The following TBC1D5 variants were observed in gnomAD, a reference collection of about 807,000 sequenced individuals.
The protein encoded by TBC1D5 is TBC1 domain family, member 5.
Under a neutral mutation model 100.3 loss-of-function variants are expected in TBC1D5, and 75 were observed. The observed-to-expected ratio is 0.75, with a 90% CI of 0.62 to 0.91. The LOEUF (loss-of-function observed/expected upper bound fraction) is 0.91. TBC1D5 is among the 40% of genes least tolerant of loss of function. TBC1D5 has a pLI of 0.00. For synonymous variants in TBC1D5, 323 were observed against 325.6 expected (o/e 0.99, Z 0.09); for missense variants, 910 against 942.4 (o/e 0.97, Z 0.45).
In TBC1D5 at chr3:17,211,873, T is replaced by C. The variant is rs77812375; in HGVS notation, c.1752+2334A>G. Among the ~76,000 whole-genome samples the C allele has an allele frequency of 8.9e-3, 1,356 of 152,310 alleles. 16 individuals carry two copies. Among genetic ancestry groups the C allele is most frequent in the African/African-American group, 0.031 (1,278 of 41,550 alleles). ...ACTAAAGTTCCTCTCTGCTCTTTTATATACTACAGAATCACAGTTCCTACA... is the reference window on the plus strand; with the variant it reads ...ACTAAAGTTCCTCTCTGCTCTTTTACATACTACAGAATCACAGTTCCTACA... On this transcript the variant is annotated intron_variant, in intron 18 of 21. Transcript: ENST00000253692.
chr3:17,619,088 T>C (rs1454450220), intron 2 of TBC1D5, among the ~76,000 whole-genome samples: 1 of 152,110 alleles, frequency 6.6e-6, no homozygotes, highest in Non-Finnish European at 1.5e-5. Flanking sequence ...AAGTAAAATA[T>C]TTAGGAATAA....
At chr3:17,639,539 C>G (rs768347078) in intron 1 of TBC1D5, among the ~76,000 whole-genome samples, 1 of 151,660 alleles carries the variant, frequency 6.6e-6, no homozygotes, top group Non-Finnish European at 1.5e-5. Flanking sequence ...CAAACTATTC[C>G]CCATCCCTCA....
At chr3:17,467,708 C>G (rs1394046370) in intron 3 of TBC1D5, among the ~76,000 whole-genome samples, 1 of 151,792 alleles carries the variant, frequency 6.6e-6, no homozygotes, top group East Asian at 1.9e-4. Context: ...AACCCCATCT[C>G]TACTAAAAAT....
At chr3:17,493,005 T>C (rs2095657927) in intron 3 of TBC1D5, among the ~76,000 whole-genome samples, 1 of 152,224 alleles carries the variant, frequency 6.6e-6, no homozygotes, top group Non-Finnish European at 1.5e-5. Context: ...TTTTGCAGAC[T>C]TGATGTAGTT....
At chr3:17,315,695 T>C (rs1441275646) in intron 13 of TBC1D5, among the ~76,000 whole-genome samples, 2 of 152,130 alleles carry the variant, frequency 1.3e-5, no homozygotes, top group African/African-American at 4.8e-5. Flanking sequence ...CAAATCTCAA[T>C]GCAAAGTGGA....
intron 2 of TBC1D5, among the ~76,000 whole-genome samples, chr3:17,534,442 A>G (rs1488417303): frequency 6.6e-6 from 1 of 152,188 alleles, no homozygotes; most frequent in Non-Finnish European, 1.5e-5. Context: ...TCTGAATCAG[A>G]TTCAAATTAA....
intron 9 of TBC1D5, among the ~76,000 whole-genome samples, chr3:17,383,542 A>AT: frequency 6.6e-6 from 1 of 152,032 alleles, no homozygotes; most frequent in Non-Finnish European, 1.5e-5. Flanking sequence ...ATACTTGATT[A>AT]TTTTTTACAT....
intron 3 of TBC1D5, among the ~76,000 whole-genome samples, chr3:17,473,152 T>C (rs1453897618): frequency 1.3e-5 from 2 of 152,198 alleles, no homozygotes; most frequent in African/African-American, 4.8e-5. Flanking sequence ...ATACCTGTAA[T>C]CTCAGCATTT....
At chr3:17,406,871 G>A (rs1205282689) in intron 4 of TBC1D5, among the ~76,000 whole-genome samples, 1 of 152,018 alleles carries the variant, frequency 6.6e-6, no homozygotes, top group East Asian at 1.9e-4. Flanking sequence ...AAACATACCT[G>A]CTCCAAAAAT....
chr3:17,262,247 C>T (rs894658218), intron 15 of TBC1D5, among the ~76,000 whole-genome samples: 1 of 152,094 alleles, frequency 6.6e-6, no homozygotes, highest in Non-Finnish European at 1.5e-5. Context: ...ACCTGTACAG[C>T]ATGTTACTGT....
chr3:17,176,781 C>G (rs186381358), intron 19 of TBC1D5, among the ~76,000 whole-genome samples: 5 of 151,436 alleles, frequency 3.3e-5, no homozygotes, highest in Admixed American at 3.3e-4. Context: ...CACATGCACC[C>G]CAGAACTTAA....
At chr3:17,177,127 G>A (rs991165717) in intron 19 of TBC1D5, among the ~76,000 whole-genome samples, 1 of 152,108 alleles carries the variant, frequency 6.6e-6, no homozygotes, top group African/African-American at 2.4e-5. Context: ...AAAAAAGAAA[G>A]AAAATAATTC....
At chr3:17,247,955 T>TA (rs2076874207) in intron 16 of TBC1D5, among the ~76,000 whole-genome samples, 2 of 152,056 alleles carry the variant, frequency 1.3e-5, no homozygotes, top group Non-Finnish European at 2.9e-5. Context: ...GTTCTCTTGC[T>TA]ATTTTCACCC....
upstream of TBC1D5, among the ~76,000 whole-genome samples, chr3:17,742,253 G>A (rs908966142): frequency 6.6e-6 from 1 of 152,174 alleles, no homozygotes; most frequent in Admixed American, 6.5e-5. Flanking sequence ...CACAAACGGG[G>A]GGCGGTGCGG....
At chr3:17,494,944 C>T (rs1039136848) in intron 3 of TBC1D5, among the ~76,000 whole-genome samples, 1 of 152,176 alleles carries the variant, frequency 6.6e-6, no homozygotes, top group Non-Finnish European at 1.5e-5. Context: ...TTGCACAGAT[C>T]CATGAAAAAT....
At chr3:17,425,974 G>A (rs1346509489) in intron 4 of TBC1D5, among the ~76,000 whole-genome samples, 1 of 152,110 alleles carries the variant, frequency 6.6e-6, no homozygotes, top group East Asian at 1.9e-4. Context: ...TGATAGATAA[G>A]AAACTAAAGT....
intron 2 of TBC1D5, among the ~76,000 whole-genome samples, chr3:17,597,808 T>C (rs190426207): frequency 2.0e-5 from 3 of 152,298 alleles, no homozygotes; most frequent in Admixed American, 6.5e-5. Context: ...CTAAGCTCCA[T>C]GCAGAACAAA....
chr3:17,375,087 T>A (rs113319655), intron 10 of TBC1D5, among the ~76,000 whole-genome samples: 13,635 of 152,138 alleles, frequency 0.09, 1,391 homozygotes, highest in African/African-American at 0.25. Context: ...TTTCATTTTA[T>A]CAGTCAACTT....
chr3:17,598,153 G>A (rs372979231), intron 2 of TBC1D5, among the ~76,000 whole-genome samples: 4 of 152,114 alleles, frequency 2.6e-5, no homozygotes, highest in South Asian at 4.2e-4. Context: ...CAGGAACTAC[G>A]GTTTCCCTAA....
Sources: allele counts gnomAD v4.1 joint callset (sites outside exome capture counted in the v4.1 genomes callset), GRCh38; gene constraint gnomAD v4.1.1; transcripts MANE v1.5; gene names NCBI Gene and HGNC (gene_info 2026-07-23, HGNC 2026-07-21).